SPEG: variants seen among roughly 807,000 people sequenced by gnomAD.
SPEG encodes striated muscle enriched protein kinase.
Under a neutral mutation model 300.4 loss-of-function variants are expected in SPEG, and 114 were observed. That is an observed-to-expected ratio of 0.38 (90% CI 0.33 to 0.44). The LOEUF (loss-of-function observed/expected upper bound fraction) is 0.44, where lower values mean the gene tolerates loss of function less well. Ranked by LOEUF, SPEG falls within the 20% of genes least tolerant of loss-of-function variation. SPEG has a pLI of 1.00. For synonymous variants in SPEG, 1,964 were observed against 2,018.9 expected, an observed-to-expected ratio of 0.97 and a Z score of 0.73; for missense variants, 4,201 against 4,586.2, an observed-to-expected ratio of 0.92 and a Z score of 2.43.
Position 219,448,632 on chromosome 2 carries a change from C to A in SPEG, c.1474C>A (p.Leu492Met). Residue 492 changes from leucine (L) to methionine (M), a missense_variant, in exon 4 of 41, where the codon CTG becomes ATG. This residue lies in a region of SPEG where 1,258 missense variants were observed against 1,293.9 expected (regional missense o/e 0.97). Coordinates refer to ENST00000312358, the MANE Select transcript of SPEG (RefSeq NM_005876.5). ...RQRSPASDLE[L>M]RFAQELGRIR... ...GCGCAGCCCGGCCTCAGACCTCGAG[C>A]TGCGCTTCGCCCAGGAGCTGGGCCG... 1.3e-6 allele frequency: 2 copies of A among 1,483,568 alleles called. No homozygotes were observed. Among genetic ancestry groups the A allele is most frequent in the Non-Finnish European group, 1.8e-6 (2 of 1,125,020 alleles). The allele number at this position is 1,483,568 out of a possible 1,614,324, so 91.9% of individuals were successfully genotyped here.
chr2:219,491,665 C>A, intron 38 of SPEG, 129 bp from the exon 39 acceptor site: 1 of 735,056 alleles, frequency 1.4e-6, no homozygotes, highest in Non-Finnish European at 2.4e-6. Context: ...TCAGGGCCTG[C>A]CACTCTGGAC....
chr2:219,451,943 C>A lies in SPEG; in HGVS notation c.2440+136C>A. The A allele has an allele frequency of 1.1e-6, 1 of 911,744 alleles. No homozygotes were observed. Among genetic ancestry groups the A allele is most frequent in the Non-Finnish European group, 1.6e-6 (1 of 641,094 alleles). The allele number at this position is 911,744 out of a possible 1,614,324, so 56.5% of individuals were successfully genotyped here. On this transcript the variant is annotated intron_variant, in intron 6 of 40. Coordinates refer to ENST00000312358, the MANE Select transcript of SPEG (RefSeq NM_005876.5). This position sits in a 1 kb window ranked among gnomAD's most constrained non-coding sequence, Gnocchi z 6.4. ...GCCAGCATACTTAGTCCATGCAGTC[C>A]CTTCTGGGTGTCGGCAGCTTTGGTG...
In SPEG at chr2:219,448,784, C is replaced by G. The variant is rs1046588313; in HGVS notation, c.1626C>G (p.Pro542=). 7.0e-7 allele frequency: 1 copy of G among 1,419,026 alleles called. No individual in the cohort carries two copies. Among genetic ancestry groups the G allele is most frequent in the African/African-American group, 1.5e-5 (1 of 66,482 alleles). 87.9% of individuals were successfully genotyped at this position (1,419,026 alleles called of 1,614,324 possible). ...CGCTCTTCTCTCGGCCCTCCACCCCCAAGACATCGCGGGCCGTGAGCCCCG... is the reference window on the plus strand; with the variant it reads ...CGCTCTTCTCTCGGCCCTCCACCCCGAAGACATCGCGGGCCGTGAGCCCCG... ...EPPLFSRPST[P]KTSRAVSPAA... is the part of the protein sequence containing the mutation. Residue 542 remains proline, a synonymous_variant, in exon 4 of 41, where the codon CCC becomes CCG. Transcript: ENST00000312358.
Position 219,451,512 on chromosome 2 carries a change from T to G in SPEG, c.2258-113T>G. The G allele has an allele frequency of 8.3e-7, 1 of 1,209,138 alleles. No homozygotes were observed. The highest frequency in any genetic ancestry group is 2.7e-5 in the East Asian group (1 of 36,952). 74.9% of individuals were successfully genotyped at this position (1,209,138 alleles called of 1,614,324 possible). The stretch of plus-strand genomic sequence containing the variant: ...TGAGGGCGGACTCTTCCAGATTCCC[T>G]GGGGTGCTGAGAGGAGAGGTTTGGT... On this transcript the variant is annotated intron_variant, in intron 5 of 40. Transcript: ENST00000312358. The surrounding 1 kb of genome is among the most constrained non-coding windows in gnomAD (Gnocchi z 6.4).
intron 6 of SPEG, among the ~76,000 whole-genome samples, chr2:219,453,076 C>T (rs1689893471): frequency 6.6e-6 from 1 of 152,240 alleles, no homozygotes; most frequent in Admixed American, 6.5e-5. Context: ...CCTTCCATCA[C>T]CTCCGGGATC....
In SPEG at chr2:219,444,163, G is replaced by A. The variant is rs1031122579; in HGVS notation, c.389-490G>A. ...AGCTGCACCCGATGCCTTGCAGCTG[G>A]TTTGGGGTAGAGGACAGGCTGGCCC... On this transcript the variant is annotated intron_variant, in intron 1 of 40. Transcript: ENST00000312358. The surrounding 1 kb of genome is among the most constrained non-coding windows in gnomAD (Gnocchi z 7.8). The A allele has an allele frequency of 1.5e-5, 13 of 877,268 alleles. No homozygotes were observed. Among genetic ancestry groups the A allele is most frequent in the Non-Finnish European group, 1.8e-5 (11 of 598,368 alleles). The allele number at this position is 877,268 out of a possible 1,614,324, so 54.3% of individuals were successfully genotyped here.
intron 13 of SPEG, among the ~76,000 whole-genome samples, chr2:219,469,800 A>G (rs1016669406): frequency 1.3e-5 from 2 of 152,210 alleles, no homozygotes; most frequent in Admixed American, 1.3e-4. Context: ...TTGTTTTAGT[A>G]GCCATTATCA....
chr2:219,448,853 G>A lies in SPEG; in HGVS notation c.1695G>A (p.Gly565=). The A allele has an allele frequency of 7.1e-7, 1 of 1,402,182 alleles. No individual in the cohort carries two copies. The highest frequency in any genetic ancestry group is 3.3e-5 in the Admixed American group (1 of 30,568). 86.9% of individuals were successfully genotyped at this position (1,402,182 alleles called of 1,614,324 possible). A position where few individuals can be genotyped will look rare whatever the true frequency, so the allele number is the denominator to read the frequency against. The change falls in exon 4 of 41, where the codon GGG becomes GGA. Residue 565 remains glycine, a synonymous_variant. Coordinates refer to ENST00000312358, the MANE Select transcript of SPEG (RefSeq NM_005876.5). ...CTCCGAGCAGCGCGGAGAAGCCGGG[G>A]GACGAGCCTGGGAGGCCCAGGAGCC... ...PPSPSSAEKP[G]DEPGRPRSRG...
At chr2:219,466,916 CCT>C (rs1276339767) in intron 9 of SPEG, 1 of 1,160,066 alleles carries the variant, frequency 8.6e-7, no homozygotes, top group African/African-American at 1.6e-5. Context: ...ACCACGTGGC[CCT>C]CTCAGTTTCC....
chr2:219,457,853 C>T (rs1477423750), intron 6 of SPEG, among the ~76,000 whole-genome samples: 1 of 152,244 alleles, frequency 6.6e-6, no homozygotes, highest in Non-Finnish European at 1.5e-5. Flanking sequence ...TCCGCATGCA[C>T]TTTCCTCTGC....
At chr2:219,454,243 C>G (rs1689999874) in intron 6 of SPEG, among the ~76,000 whole-genome samples, 1 of 152,180 alleles carries the variant, frequency 6.6e-6, no homozygotes, top group Admixed American at 6.5e-5. Flanking sequence ...GCCCCATGGA[C>G]CATGGTTTAG....
rs779832551 is a variant in SPEG, at chr2:219,468,641, T to C, written c.3206T>C (p.Leu1069Pro). 1 of 1,614,090 alleles carries C rather than the reference T, an allele frequency of 6.2e-7. No individual in the cohort carries two copies. The highest frequency in any genetic ancestry group is 2.2e-5 in the East Asian group (1 of 44,870). ...TCGTTGGCACCCCTGTTCACACGGC[T>C]GCTGGAAGATGTGGAGGTGTTGGAG... is the stretch of plus-strand genomic sequence containing the variant. ...RPSLAPLFTR[L>P]LEDVEVLEGR... The change falls in exon 11 of 41, where the codon CTG (leucine) becomes CCG (proline). Residue 1069 changes from leucine (L) to proline (P), a missense_variant. Coordinates refer to ENST00000312358, the MANE Select transcript of SPEG (RefSeq NM_005876.5).
Position 219,482,793 on chromosome 2 carries a change from A to G in SPEG, c.5575A>G (p.Lys1859Glu). The part of the protein sequence containing the change: ...LEHPWFKTQA[K>E]GAEVSTDHLK... ...TTTCCTGGGTTTGCAGACTCAGGCAAAGGGCGCAGAGGTGAGCACGGATCA... is the reference window on the plus strand; with the variant it reads ...TTTCCTGGGTTTGCAGACTCAGGCAGAGGGCGCAGAGGTGAGCACGGATCA... Residue 1859 changes from lysine to glutamate, a missense_variant, in exon 29 of 41, where the codon AAG (lysine) becomes GAG (glutamate). Transcript: ENST00000312358. 1.9e-6 allele frequency: 3 copies of G among 1,613,764 alleles called. No individual in the cohort carries two copies. The highest frequency in any genetic ancestry group is 1.1e-5 in the South Asian group (1 of 91,072).
Position 219,443,717 on chromosome 2 carries a change from G to A in SPEG, c.389-936G>A. The stretch of plus-strand genomic sequence containing the variant: ...GCCTGACTCCTAATGGGAGGCCCAG[G>A]TCTGCGGCTGGACTGGACACAAGCA... On this transcript the variant is annotated intron_variant, in intron 1 of 40. Coordinates refer to ENST00000312358, the MANE Select transcript of SPEG (RefSeq NM_005876.5). The surrounding 1 kb of genome is among the most constrained non-coding windows in gnomAD (Gnocchi z 4.6). 1 of 341,270 alleles carries A rather than the reference G, an allele frequency of 2.9e-6. No homozygotes were observed. The highest frequency in any genetic ancestry group is 5.8e-6 in the Non-Finnish European group (1 of 172,098). The allele number at this position is 341,270 out of a possible 1,614,324, so 21.1% of individuals were successfully genotyped here.
chr2:219,482,701 C>T, intron 28 of SPEG, 83 bp from the exon 29 acceptor site: 1 of 1,247,096 alleles, frequency 8.0e-7, no homozygotes, highest in East Asian at 2.4e-5. Flanking sequence ...CCACCCCGCC[C>T]CATGGACTTT....
At position 219,473,511 on chromosome 2, in the gene SPEG, C is replaced by T; in HGVS notation, c.4155C>T (p.Thr1385=). ...EPVQLLEHGP[T]LEEAPAMLDK... is the part of the protein sequence containing the mutation. ...GCGCTCTCCTCCTCCCAGGCCCAAC[C>T]CTGGAGGAGGCCCCTGCCATGCTGG... is the stretch of plus-strand genomic sequence containing the variant. Residue 1385 remains threonine (T), a synonymous_variant, in exon 17 of 41, where the codon ACC becomes ACT. Coordinates refer to ENST00000312358, the MANE Select transcript of SPEG (RefSeq NM_005876.5). The surrounding 1 kb of genome is among the most constrained non-coding windows in gnomAD (Gnocchi z 4.6). The T allele has an allele frequency of 6.2e-7, 1 of 1,613,978 alleles. No homozygotes were observed. The highest frequency in any genetic ancestry group is 1.1e-5 in the South Asian group (1 of 91,078).
At chr2:219,461,739 C>A in intron 6 of SPEG, 143 bp from the exon 7 acceptor site, 2 of 964,226 alleles carry the variant, frequency 2.1e-6, no homozygotes, top group Non-Finnish European at 3.2e-6. Flanking sequence ...TGGGCGAGGT[C>A]GCAGGAGCCT....
chr2:219,490,930 A>G lies in SPEG; in HGVS notation c.9359A>G (p.His3120Arg). ...YNPQALRPLGHRTGTLEFMAP... is the reference protein window; with the variant it reads ...YNPQALRPLGRRTGTLEFMAP... ...CCCCAGGCCCTTAGGCCCCTTGGCC[A>G]CCGCACGGGCACGCTGGAGTTCATG... is the stretch of plus-strand genomic sequence containing the variant. The change falls in exon 38 of 41, where the codon CAC (histidine) becomes CGC (arginine). Residue 3120 changes from histidine to arginine, a missense_variant. This residue lies in a region of SPEG where 318 missense variants were observed against 429.5 expected (regional missense o/e 0.74). Transcript: ENST00000312358. 6.2e-7 allele frequency: 1 copy of G among 1,613,212 alleles called. No individual in the cohort carries two copies. The highest frequency in any genetic ancestry group is 8.5e-7 in the Non-Finnish European group (1 of 1,179,866).
intron 3 of SPEG, among the ~76,000 whole-genome samples, chr2:219,446,891 C>T (rs1471433825): frequency 2.6e-5 from 4 of 152,028 alleles, no homozygotes; most frequent in Non-Finnish European, 4.4e-5. Context: ...ACAAGCCTGG[C>T]ACTCAGGAAA....
Sources: allele counts gnomAD v4.1 joint callset (sites outside exome capture counted in the v4.1 genomes callset), GRCh38; gene constraint gnomAD v4.1.1; regional missense constraint gnomAD v4.1.1; non-coding constraint Gnocchi (gnomAD v3.1); transcripts MANE v1.5; gene names NCBI Gene and HGNC (gene_info 2026-07-23, HGNC 2026-07-21).